RERE: variants seen among roughly 807,000 people sequenced by gnomAD.
RERE encodes the protein arginine-glutamic acid dipeptide repeats.
A neutral mutation model predicts 146.1 loss-of-function variants in RERE; 40 were observed. The observed-to-expected ratio is 0.27, with a 90% CI of 0.21 to 0.36. The LOEUF (loss-of-function observed/expected upper bound fraction) is 0.36, where lower values mean the gene tolerates loss of function less well. Ranked by LOEUF, RERE falls within the 10% of genes least tolerant of loss-of-function variation. The probability of loss-of-function intolerance (pLI) is 1.00; values close to 1 mark genes in which losing one functional copy is unlikely to be tolerated. For missense variants in RERE, 1,933 were observed against 2,138.7 expected, an observed-to-expected ratio of 0.90 and a Z score of 1.90; for synonymous variants, 1,003 against 866.0, an observed-to-expected ratio of 1.16 and a Z score of -2.78.
rs187228977 is a variant in RERE at position 8,365,384 on chromosome 1, G to A, written c.1447+428C>T. ...GTACATCATACTGGGACCAAAAAGA[G>A]GATCTTGGTGAAGCAGGAGGAAAAA... is the stretch of plus-strand genomic sequence containing the variant. On this transcript the variant is annotated intron_variant, in intron 13 of 22. Coordinates refer to ENST00000400908, the MANE Select transcript of RERE (RefSeq NM_001042681.2). 2.8e-3 allele frequency among the ~76,000 whole-genome samples: 430 copies of A among 152,230 alleles called. 3 individuals carry two copies. Among genetic ancestry groups the A allele is most frequent in the African/African-American group, 9.9e-3 (411 of 41,532 alleles).
At chr1:8,636,467 G>C (rs1040043364) in intron 2 of RERE, among the ~76,000 whole-genome samples, 1 of 152,064 alleles carries the variant, frequency 6.6e-6, no homozygotes, top group Non-Finnish European at 1.5e-5. Context: ...CCAGGAGTAT[G>C]AGCCTGCAGT....
chr1:8,379,964 A>T (rs567293466), intron 12 of RERE, among the ~76,000 whole-genome samples: 1 of 152,294 alleles, frequency 6.6e-6, no homozygotes, highest in African/African-American at 2.4e-5. Context: ...GCCTGCATCA[A>T]ATCCTGGCCG....
At chr1:8,507,866 A>G (rs1334784305) in intron 8 of RERE, among the ~76,000 whole-genome samples, 1 of 145,384 alleles carries the variant, frequency 6.9e-6, no homozygotes, top group Non-Finnish European at 1.5e-5. Flanking sequence ...CAGCCTCCCA[A>G]GAAGCTGGGA....
At chr1:8,373,077 G>T (rs1007415789) in intron 12 of RERE, among the ~76,000 whole-genome samples, 1 of 152,200 alleles carries the variant, frequency 6.6e-6, no homozygotes, top group African/African-American at 2.4e-5. Flanking sequence ...TTACGTGATG[G>T]GACAGGAGCC....
chr1:8,508,621 CT>C lies in RERE; in HGVS notation c.879+5del. 1 of 1,608,792 alleles carries C rather than the reference CT, an allele frequency of 6.2e-7. No individual in the cohort carries two copies. The highest frequency in any genetic ancestry group is 8.5e-7 in the Non-Finnish European group (1 of 1,175,330). On this transcript the variant is annotated splice_donor_5th_base_variant and intron_variant, in intron 8 of 22. Coordinates refer to ENST00000400908, the MANE Select transcript of RERE (RefSeq NM_001042681.2). ...CTATTAAGGAAGCTATGAAAATGAA[CT>C]TCACCTGATGACTAGGACCGACACG...
At chr1:8,452,564 C>T (rs1409651960) in intron 11 of RERE, among the ~76,000 whole-genome samples, 1 of 151,382 alleles carries the variant, frequency 6.6e-6, no homozygotes, top group Non-Finnish European at 1.5e-5. Flanking sequence ...AAAACTAAGC[C>T]AAATAAAAAA....
intron 10 of RERE, among the ~76,000 whole-genome samples, chr1:8,469,494 C>T (rs914446052): frequency 5.3e-5 from 8 of 152,124 alleles, no homozygotes; most frequent in Non-Finnish European, 1.0e-4. Context: ...TGGCAGGGGC[C>T]TATAATCCCA....
chr1:8,792,954 C>T (rs1377771173), intron 1 of RERE, among the ~76,000 whole-genome samples: 2 of 151,756 alleles, frequency 1.3e-5, no homozygotes, highest in South Asian at 2.1e-4. Flanking sequence ...GTCAGGAGTT[C>T]GAGACCAGCC....
intron 3 of RERE, among the ~76,000 whole-genome samples, chr1:8,617,343 C>CAAA (rs58933208): frequency 2.7e-4 from 22 of 80,422 alleles, no homozygotes; most frequent in South Asian, 8.0e-4. Flanking sequence ...AACTCTGTCT[C>CAAA]AAAAAAAAAA....
In RERE at chr1:8,358,322, G is replaced by A. The variant is rs368040659; in HGVS notation, c.4213C>T (p.Arg1405Cys). 1.2e-6 allele frequency: 2 copies of A among 1,613,510 alleles called. No homozygotes were observed. Among genetic ancestry groups the A allele is most frequent in the Non-Finnish European group, 1.7e-6 (2 of 1,179,784 alleles). ...RLAAERIHAE[R>C]MASLTSDPLA... ...GGATCGCTGGTCAGCGATGCCATGCGCTCTGCGTGGATACGCTCGGCTGCC... is the reference window on the plus strand; with the variant it reads ...GGATCGCTGGTCAGCGATGCCATGCACTCTGCGTGGATACGCTCGGCTGCC... The change falls in exon 20 of 23, where the codon CGC becomes TGC. Residue 1405 changes from arginine to cysteine, a missense_variant. Arg to Cys is a radical substitution (Grantham distance 180, BLOSUM62 -3). Transcript: ENST00000400908.
chr1:8,400,545 C>G (rs1643213374), intron 12 of RERE, among the ~76,000 whole-genome samples: 1 of 152,072 alleles, frequency 6.6e-6, no homozygotes, highest in African/African-American at 2.4e-5. Flanking sequence ...AGTCACCTCA[C>G]CTGGCCATAT....
At chr1:8,486,507 T>G (rs1193791443) in intron 10 of RERE, among the ~76,000 whole-genome samples, 1 of 151,424 alleles carries the variant, frequency 6.6e-6, no homozygotes, top group African/African-American at 2.4e-5. Flanking sequence ...GAATAATAGA[T>G]CACAACAAAT....
chr1:8,420,563 A>C (rs1257622704), intron 12 of RERE, among the ~76,000 whole-genome samples: 2 of 152,220 alleles, frequency 1.3e-5, no homozygotes, highest in African/African-American at 2.4e-5. Flanking sequence ...TCATTATAAT[A>C]CTTACAGATT....
chr1:8,567,401 C>G (rs1266539196), intron 4 of RERE, among the ~76,000 whole-genome samples: 1 of 152,184 alleles, frequency 6.6e-6, no homozygotes, highest in Non-Finnish European at 1.5e-5. Context: ...TGGCTACATA[C>G]AAACACTCAG....
chr1:8,600,750 C>CT (rs59816060), intron 4 of RERE, among the ~76,000 whole-genome samples: 1,244 of 113,362 alleles, frequency 0.011, 21 homozygotes, highest in African/African-American at 0.031. Flanking sequence ...CAAGCCAATA[C>CT]TTTTTTTTTT....
chr1:8,632,508 C>T (rs1252480833), intron 2 of RERE, among the ~76,000 whole-genome samples: 1 of 152,204 alleles, frequency 6.6e-6, no homozygotes, highest in Non-Finnish European at 1.5e-5. Flanking sequence ...AGGTTTTCTG[C>T]TACTGTTTAA....
At chr1:8,428,873 T>G (rs1644054134) in intron 11 of RERE, among the ~76,000 whole-genome samples, 1 of 152,216 alleles carries the variant, frequency 6.6e-6, no homozygotes, top group Non-Finnish European at 1.5e-5. Flanking sequence ...TGCTATTGCT[T>G]GAGCCCACCC....
At chr1:8,429,993 A>C (rs947962036) in intron 11 of RERE, 1 of 152,220 alleles carries the variant, frequency 6.6e-6, no homozygotes. Context: ...GTAGGGTGAA[A>C]AAAGGGAACA....
At position 8,435,365 on chromosome 1, in the gene RERE, C is replaced by G. The variant is rs934405437; in HGVS notation, c.1204-12558G>C. 4.6e-5 allele frequency among the ~76,000 whole-genome samples: 7 copies of G among 152,352 alleles called. No individual in the cohort carries two copies. The East Asian group carries it at 1.2e-3, about 25-fold the overall frequency. On this transcript the variant is annotated intron_variant, in intron 11 of 22. Coordinates refer to ENST00000400908, the MANE Select transcript of RERE (RefSeq NM_001042681.2). Reference sequence around the variant, plus strand: ...ACATATAGCAGGTGCTTGACAACCACTGGTTCAGTACAAGAATGTATCTGG... The same window carrying G: ...ACATATAGCAGGTGCTTGACAACCAGTGGTTCAGTACAAGAATGTATCTGG...
Sources: allele counts gnomAD v4.1 joint callset (sites outside exome capture counted in the v4.1 genomes callset), GRCh38; gene constraint gnomAD v4.1.1; transcripts MANE v1.5; gene names NCBI Gene and HGNC (gene_info 2026-07-23, HGNC 2026-07-21).